SHROOM4: variants seen among roughly 807,000 people sequenced by gnomAD.
The protein encoded by SHROOM4 is shroom family member 4.
In SHROOM4, 17 loss-of-function variants were observed where a neutral mutation model predicts 80.3. The ratio of observed to expected loss-of-function variants is 0.21; its 90% confidence interval spans 0.14 to 0.32. The LOEUF (loss-of-function observed/expected upper bound fraction) is 0.32, where lower values mean the gene tolerates loss of function less well. Ranked by LOEUF, SHROOM4 falls within the 10% of genes least tolerant of loss-of-function variation. The pLI, the probability that SHROOM4 is intolerant of heterozygous loss-of-function variation, is 1.00. For missense variants in SHROOM4, 993 were observed against 1,140.3 expected (o/e 0.87, Z 1.86); for synonymous variants, 400 against 437.5 (o/e 0.91, Z 1.07).
intron 1 of SHROOM4, among the ~76,000 whole-genome samples, chrX:50,808,240 C>T (rs915651711): frequency 8.0e-5 from 9 of 112,039 alleles, no homozygotes; most frequent in African/African-American, 2.9e-4. Context: ...AGCTAGGACC[C>T]ATGGATGATC....
chrX:50,635,624 G>C lies in SHROOM4; in HGVS notation c.449C>G (p.Thr150Ser). 8.3e-7 allele frequency: 1 copy of C among 1,210,333 alleles called. No homozygotes were observed. Among genetic ancestry groups the C allele is most frequent in the Non-Finnish European group, 1.1e-6 (1 of 895,265 alleles). ...QWCPLSRHCS[T>S]EKSSSIGSME... ...GCTGCCAATGGAGCTGCTTTTCTCGGTGCTGCAATGCCGGGAGAGTGGACA... is the reference window on the plus strand; with the variant it reads ...GCTGCCAATGGAGCTGCTTTTCTCGCTGCTGCAATGCCGGGAGAGTGGACA... The change falls in exon 4 of 9, where the codon ACC (threonine) becomes AGC (serine). Residue 150 changes from threonine to serine, a missense_variant. Thr to Ser is a moderately conservative substitution (Grantham distance 58). Coordinates refer to ENST00000376020, the MANE Select transcript of SHROOM4 (RefSeq NM_020717.5).
intron 1 of SHROOM4, among the ~76,000 whole-genome samples, chrX:50,733,180 A>AAC (rs1418833340): frequency 9.6e-6 from 1 of 104,565 alleles, no homozygotes; most frequent in East Asian, 3.0e-4. Flanking sequence ...CACCTTAATC[A>AAC]ACACAGAAAG....
chrX:50,597,740 C>T (rs181152294), intron 8 of SHROOM4, among the ~76,000 whole-genome samples: 16 of 112,080 alleles, frequency 1.4e-4, no homozygotes, highest in East Asian at 5.6e-4. Context: ...GGCAGAGTGA[C>T]GTTATGTAAG....
At chrX:50,761,376 C>T (rs1375082404) in intron 1 of SHROOM4, among the ~76,000 whole-genome samples, 1 of 111,991 alleles carries the variant, frequency 8.9e-6, no homozygotes, top group African/African-American at 3.2e-5. Flanking sequence ...CTAATTCACA[C>T]TCCCACCAAC....
chrX:50,646,068 G>A (rs1602400131), intron 2 of SHROOM4, among the ~76,000 whole-genome samples: 1 of 112,180 alleles, frequency 8.9e-6, no homozygotes, highest in Non-Finnish European at 1.9e-5. Flanking sequence ...TGAGCAGAAA[G>A]AGAACCATGA....
chrX:50,748,965 C>A (rs1934842348), intron 1 of SHROOM4, among the ~76,000 whole-genome samples: 1 of 112,601 alleles, frequency 8.9e-6, no homozygotes, highest in Non-Finnish European at 1.9e-5. Context: ...AATCCCAGCA[C>A]TTTGGGAGGC....
intron 1 of SHROOM4, among the ~76,000 whole-genome samples, chrX:50,755,393 A>G (rs1432078075): frequency 1.8e-5 from 2 of 111,975 alleles, no homozygotes; most frequent in African/African-American, 6.5e-5. Flanking sequence ...GCAATTACAC[A>G]CTTGTCATTT....
chrX:50,618,056 T>C (rs1476155864), intron 5 of SHROOM4, among the ~76,000 whole-genome samples: 1 of 111,190 alleles, frequency 9.0e-6, no homozygotes, highest in Non-Finnish European at 1.9e-5. Context: ...AAAATGGTGA[T>C]GGTGAAAGGG....
intron 2 of SHROOM4, among the ~76,000 whole-genome samples, chrX:50,651,739 TA>T (rs1932077507): frequency 9.2e-6 from 1 of 109,172 alleles, no homozygotes; most frequent in Non-Finnish European, 1.9e-5. Flanking sequence ...CCTAGCCCCT[TA>T]ACCCCCGACA....
chrX:50,640,035 T>C (rs1931527284), intron 2 of SHROOM4, among the ~76,000 whole-genome samples: 1 of 111,254 alleles, frequency 9.0e-6, no homozygotes, highest in Non-Finnish European at 1.9e-5. Context: ...CAAGGAGACC[T>C]TGGGGGCTAT....
intron 1 of SHROOM4, among the ~76,000 whole-genome samples, chrX:50,766,854 T>C: frequency 9.0e-6 from 1 of 111,261 alleles, no homozygotes; most frequent in Non-Finnish European, 1.9e-5. Flanking sequence ...ATATAGAGAA[T>C]GGATAAAAAT....
chrX:50,673,985 AC>A (rs1932825897), intron 2 of SHROOM4, among the ~76,000 whole-genome samples: 1 of 109,397 alleles, frequency 9.1e-6, no homozygotes, highest in South Asian at 3.9e-4. Flanking sequence ...CAAATAAAAA[AC>A]AATACCATTT....
At chrX:50,788,058 G>C (rs1369058470) in intron 1 of SHROOM4, among the ~76,000 whole-genome samples, 1 of 112,189 alleles carries the variant, frequency 8.9e-6, no homozygotes, top group Non-Finnish European at 1.9e-5. Flanking sequence ...TGCTGTGATA[G>C]TGGTAGGTAA....
chrX:50,667,561 A>G (rs1288876198), intron 2 of SHROOM4, among the ~76,000 whole-genome samples: 1 of 111,445 alleles, frequency 9.0e-6, no homozygotes, highest in Non-Finnish European at 1.9e-5. Context: ...CAAACATAAG[A>G]TGACTCTCAG....
chrX:50,649,607 T>C (rs1405710672), intron 2 of SHROOM4: 1 of 112,292 alleles, frequency 8.9e-6, no homozygotes, highest in East Asian at 2.8e-4. Context: ...AATTTTGGCA[T>C]ATGTTATCAG....
chrX:50,644,783 A>G (rs1056378260), intron 2 of SHROOM4, among the ~76,000 whole-genome samples: 17 of 111,594 alleles, frequency 1.5e-4, no homozygotes, highest in African/African-American at 5.2e-4. Flanking sequence ...TATCAACTGT[A>G]TAGGGGAAAG....
intron 5 of SHROOM4, among the ~76,000 whole-genome samples, chrX:50,620,672 CTATT>C (rs1930535266): frequency 9.0e-6 from 1 of 111,654 alleles, no homozygotes; most frequent in Non-Finnish European, 1.9e-5. Flanking sequence ...TTTACAATTT[CTATT>C]TATTGATTTT....
intron 1 of SHROOM4, among the ~76,000 whole-genome samples, chrX:50,767,965 C>G (rs1341901818): frequency 8.9e-6 from 1 of 112,038 alleles, no homozygotes. Flanking sequence ...AACTAAAATA[C>G]ATTTCTTAAA....
intron 1 of SHROOM4, among the ~76,000 whole-genome samples, chrX:50,737,260 A>G (rs1405059063): frequency 2.7e-5 from 3 of 111,133 alleles, no homozygotes; most frequent in Non-Finnish European, 5.7e-5. Context: ...ACACTAGAAA[A>G]TATTCATTAA....
Sources: allele counts gnomAD v4.1 joint callset (sites outside exome capture counted in the v4.1 genomes callset), GRCh38; gene constraint gnomAD v4.1.1; transcripts MANE v1.5; gene names NCBI Gene and HGNC (gene_info 2026-07-23, HGNC 2026-07-21).